Variants in ARHGAP15 observed in about 807,000 individuals in gnomAD.
ARHGAP15 encodes rho GTPase-activating protein 15.
A neutral mutation model predicts 63.7 loss-of-function variants in ARHGAP15; 51 were observed. The ratio of observed to expected loss-of-function variants is 0.80; its 90% CI spans 0.64 to 1.01. The LOEUF is 1.01. Ranked by LOEUF, ARHGAP15 falls within the 50% of genes least tolerant of loss-of-function variation. The pLI is 0.00. For missense variants in ARHGAP15, 560 were observed against 564.6 expected, an observed-to-expected ratio of 0.99 and a Z score of 0.08; for synonymous variants, 191 against 193.8, an observed-to-expected ratio of 0.99 and a Z score of 0.12.
At position 143,153,193 on chromosome 2, in the gene ARHGAP15, T is replaced by G. The variant is rs529390881; in HGVS notation, c.-14-2284T>G. On this transcript the variant is annotated intron_variant, in intron 1 of 13. Transcript: ENST00000295095. Reference sequence around the variant, plus strand: ...GGGCTATGTAAACACCGTGGCTAGATGCTCTTGGCCAGAAGAGAGTGGCTT... The same window carrying G: ...GGGCTATGTAAACACCGTGGCTAGAGGCTCTTGGCCAGAAGAGAGTGGCTT... 8.5e-5 allele frequency among the ~76,000 whole-genome samples: 13 copies of G among 152,074 alleles called. No homozygotes were observed. The East Asian group carries it at 2.5e-3, about 30-fold the overall frequency.
intron 8 of ARHGAP15, among the ~76,000 whole-genome samples, chr2:143,477,204 ACACT>A (rs945903237): frequency 3.4e-5 from 5 of 147,046 alleles, no homozygotes; most frequent in Non-Finnish European, 6.0e-5. Flanking sequence ...ACACACACAC[ACACT>A]CGCGCACACA....
chr2:143,545,020 ATAAT>A (rs1172203803), intron 10 of ARHGAP15, among the ~76,000 whole-genome samples: 18 of 152,236 alleles, frequency 1.2e-4, no homozygotes, highest in African/African-American at 4.1e-4. Context: ...TAGTGACACT[ATAAT>A]TTCTCAGAAG....
intron 2 of ARHGAP15, among the ~76,000 whole-genome samples, chr2:143,167,655 T>A (rs1690600001): frequency 6.6e-6 from 1 of 152,114 alleles, no homozygotes; most frequent in African/African-American, 2.4e-5. Flanking sequence ...GTTGCTTTTT[T>A]TCACCTATGC....
At chr2:143,644,034 T>C (rs1210779395) in intron 12 of ARHGAP15, among the ~76,000 whole-genome samples, 1 of 152,092 alleles carries the variant, frequency 6.6e-6, no homozygotes, top group African/African-American at 2.4e-5. Context: ...TTGAGGGCCA[T>C]GGCTGACACC....
intron 6 of ARHGAP15, among the ~76,000 whole-genome samples, chr2:143,277,228 C>T (rs1183419460): frequency 1.3e-5 from 2 of 151,754 alleles, no homozygotes; most frequent in Admixed American, 6.6e-5. Flanking sequence ...GAAATAAAGT[C>T]GTTTATTTTT....
At chr2:143,161,055 C>T (rs1347824890) in intron 2 of ARHGAP15, among the ~76,000 whole-genome samples, 1 of 152,012 alleles carries the variant, frequency 6.6e-6, no homozygotes, top group Non-Finnish European at 1.5e-5. Flanking sequence ...GAATCCAAAA[C>T]TCTAACCTTG....
At chr2:143,447,060 C>T (rs974617515) in intron 8 of ARHGAP15, among the ~76,000 whole-genome samples, 4 of 152,000 alleles carry the variant, frequency 2.6e-5, no homozygotes, top group African/African-American at 9.7e-5. Context: ...CAAGTCTTTG[C>T]TATTGTGAAT....
chr2:143,183,900 G>A (rs1346347277), intron 2 of ARHGAP15, among the ~76,000 whole-genome samples: 18 of 152,118 alleles, frequency 1.2e-4, no homozygotes, highest in Admixed American at 1.2e-3. Context: ...AGGAATGTAA[G>A]ATTAGGCAAA....
chr2:143,334,966 A>C (rs1191388167), intron 6 of ARHGAP15, among the ~76,000 whole-genome samples: 2 of 152,176 alleles, frequency 1.3e-5, no homozygotes, highest in Admixed American at 1.3e-4. Flanking sequence ...CTGGGATGAG[A>C]ATGTGGTGAC....
chr2:143,483,828 A>G (rs1381013429), intron 8 of ARHGAP15, among the ~76,000 whole-genome samples: 1 of 152,232 alleles, frequency 6.6e-6, no homozygotes, highest in Non-Finnish European at 1.5e-5. Context: ...TTGGGTTCTC[A>G]GGGCACTTGA....
At chr2:143,263,781 A>C (rs1680853800) in intron 6 of ARHGAP15, among the ~76,000 whole-genome samples, 1 of 152,000 alleles carries the variant, frequency 6.6e-6, no homozygotes, top group African/African-American at 2.4e-5. Flanking sequence ...CCTGGAAATC[A>C]GTCTATATTC....
At chr2:143,754,440 T>C (rs1686497713) in intron 13 of ARHGAP15, among the ~76,000 whole-genome samples, 1 of 152,106 alleles carries the variant, frequency 6.6e-6, no homozygotes, top group Non-Finnish European at 1.5e-5. Flanking sequence ...CAACTTCCAA[T>C]CCCAGGTCTG....
chr2:143,546,242 TA>T (rs367559885), intron 10 of ARHGAP15, among the ~76,000 whole-genome samples: 6 of 151,872 alleles, frequency 4.0e-5, no homozygotes, highest in South Asian at 2.1e-4. Context: ...GTTTAGATGT[TA>T]AAAAAAATAC....
At chr2:143,482,868 C>T (rs954172116) in intron 8 of ARHGAP15, among the ~76,000 whole-genome samples, 1 of 152,202 alleles carries the variant, frequency 6.6e-6, no homozygotes, top group African/African-American at 2.4e-5. Context: ...TCAACCTCTA[C>T]ATAACTCTTC....
At chr2:143,489,530 A>T (rs1042918771) in intron 9 of ARHGAP15, among the ~76,000 whole-genome samples, 1 of 152,016 alleles carries the variant, frequency 6.6e-6, no homozygotes, top group African/African-American at 2.4e-5. Context: ...TAAGGCTTTT[A>T]CTAAGTTTTT....
At chr2:143,305,896 T>C (rs1047825198) in intron 6 of ARHGAP15, among the ~76,000 whole-genome samples, 2 of 152,100 alleles carry the variant, frequency 1.3e-5, no homozygotes, top group African/African-American at 4.8e-5. Flanking sequence ...GCCAAGAGCA[T>C]GCCAATCAAA....
chr2:143,665,004 A>G (rs1291182738), intron 12 of ARHGAP15, among the ~76,000 whole-genome samples: 1 of 151,974 alleles, frequency 6.6e-6, no homozygotes, highest in Admixed American at 6.6e-5. Context: ...AGGAACTGGT[A>G]CCATTCCTTC....
At chr2:143,306,013 C>G (rs916856519) in intron 6 of ARHGAP15, among the ~76,000 whole-genome samples, 2 of 152,026 alleles carry the variant, frequency 1.3e-5, no homozygotes, top group African/African-American at 2.4e-5. Flanking sequence ...GAGGTACTTA[C>G]GTTGAATTTT....
Position 143,555,860 on chromosome 2 carries a change from A to AAGAATAGAATAGAATAGAAT in ARHGAP15, c.926-498_926-479dup, listed in dbSNP as rs60637898. ...TATTCTGTAACAATCACAGGAAAAC[A>AAGAATAGAATAGAATAGAAT]AGAATAGAATAGAATAGAATAGAAT... On this transcript the variant is annotated intron_variant, in intron 10 of 13. Coordinates refer to ENST00000295095, the MANE Select transcript of ARHGAP15 (RefSeq NM_018460.4). Among the ~76,000 whole-genome samples, 714 of 138,162 alleles carry AAGAATAGAATAGAATAGAAT rather than the reference A, an allele frequency of 5.2e-3. 4 individuals carry two copies. Among genetic ancestry groups the AAGAATAGAATAGAATAGAAT allele is most frequent in the East Asian group, 7.2e-3 (34 of 4,744 alleles). The allele number at this position is 138,162 out of a possible 152,430, so 90.6% of individuals were successfully genotyped here.
Sources: gnomAD v4.1 joint callset for allele counts (sites outside exome capture counted in the v4.1 genomes callset) on GRCh38, gnomAD v4.1.1 for gene constraint, MANE v1.5 for transcripts, NCBI Gene and HGNC (gene_info 2026-07-23, HGNC 2026-07-21) for gene names.